The following ANGEL1 variants were observed in gnomAD, a reference collection of about 807,000 sequenced individuals.
ANGEL1 encodes the protein RNA 2',3'-cyclic phosphatase ANGEL1.
Under a neutral mutation model 76.4 loss-of-function variants are expected in ANGEL1, and 62 were observed. The ratio of observed to expected loss-of-function variants is 0.81; its 90% CI spans 0.66 to 1.00. The LOEUF (loss-of-function observed/expected upper bound fraction) is 1.00. Among genes scored for constraint, ANGEL1 ranks in the 50% least tolerant of loss-of-function variants. The pLI, the probability that ANGEL1 is intolerant of heterozygous loss-of-function variation, is 0.00. For missense variants in ANGEL1, 737 were observed against 836.7 expected, an observed-to-expected ratio of 0.88 and a Z score of 1.47; for synonymous variants, 340 against 331.7, an observed-to-expected ratio of 1.03 and a Z score of -0.27.
intron 7 of ANGEL1, among the ~76,000 whole-genome samples, chr14:76,797,342 G>A (rs1195998554): frequency 6.6e-6 from 1 of 152,176 alleles, no homozygotes; most frequent in Admixed American, 6.5e-5. Context: ...GCTCACACCT[G>A]TAATCCTAGC....
chr14:76,794,760 C>G (rs1359198103), intron 7 of ANGEL1, among the ~76,000 whole-genome samples: 2 of 121,448 alleles, frequency 1.6e-5, no homozygotes, highest in Non-Finnish European at 3.7e-5. Context: ...TTTTGTTGCT[C>G]TTACACAGTG....
rs1275867357 is a variant in ANGEL1, at chr14:76,806,640, G to A, written c.1156C>T (p.Leu386=). The part of the protein sequence containing the change: ...EGLGQVSVAP[L]CVANTHILYN... ...AGGATATGGGTATTTGCCACACACA[G>A]CGGGGCCACCGAGACTTGTCCCAGG... Residue 386 remains leucine, a synonymous_variant, in exon 5 of 10, where the codon CTG becomes TTG. Transcript: ENST00000251089. 6.2e-7 allele frequency: 1 copy of A among 1,613,288 alleles called. No individual in the cohort carries two copies. Among genetic ancestry groups the A allele is most frequent in the African/African-American group, 1.3e-5 (1 of 74,664 alleles).
rs568971418 is a variant in ANGEL1, at chr14:76,806,285, A to G, written c.1380+131T>C. The stretch of plus-strand genomic sequence containing the variant: ...CAGGCTTGGGTACAAGCTATTCAAC[A>G]TAACAAGAAAAAGGAGGAGCAGGCC... On this transcript the variant is annotated intron_variant, in intron 5 of 9. Coordinates refer to ENST00000251089, the MANE Select transcript of ANGEL1 (RefSeq NM_015305.4). 96 of 957,432 alleles carry G rather than the reference A, an allele frequency of 1.0e-4. No individual in the cohort carries two copies. In the East Asian group the frequency reaches 2.1e-3, roughly 21 times the overall value. 59.3% of individuals were successfully genotyped at this position (957,432 alleles called of 1,614,324 possible).
At chr14:76,792,638 A>T (rs1894440103) in intron 7 of ANGEL1, among the ~76,000 whole-genome samples, 1 of 152,218 alleles carries the variant, frequency 6.6e-6, no homozygotes, top group Non-Finnish European at 1.5e-5. Flanking sequence ...TTTAAAAAAA[A>T]GCCACATGAT....
At position 76,806,631 on chromosome 14, in the gene ANGEL1, CCA is replaced by C. The variant is rs1164792922; in HGVS notation, c.1163_1164del (p.Val388GlyfsTer51). The C allele has an allele frequency of 6.2e-7, 1 of 1,610,724 alleles. No homozygotes were observed. Among genetic ancestry groups the C allele is most frequent in the Non-Finnish European group, 8.5e-7 (1 of 1,178,890 alleles). On this transcript the variant is annotated frameshift_variant, in exon 5 of 10. Coordinates refer to ENST00000251089, the MANE Select transcript of ANGEL1 (RefSeq NM_015305.4). LOFTEE classifies it high-confidence loss of function. Reference protein sequence around the residue: ...LGQVSVAPLCVANTHILYNPR... With the variant: ...LGQVSVAPLCXANTHILYNPR... ...GGGTTGTAAAGGATATGGGTATTTG[CCA>C]CACACAGCGGGGCCACCGAGACTTG...
In ANGEL1 at chr14:76,807,560, T is replaced by G. The variant is rs1209433493; in HGVS notation, c.877-58A>C. 8 of 1,568,344 alleles carry G rather than the reference T, an allele frequency of 5.1e-6. No homozygotes were observed. The East Asian group carries it at 1.6e-4, about 31-fold the overall frequency. ...GAGTGCTGGAATGTGACCCCCACCC[T>G]CTAGGAGCAGGTCCTGAGGCCAGGT... On this transcript the variant is annotated intron_variant, in intron 3 of 9. Coordinates refer to ENST00000251089, the MANE Select transcript of ANGEL1 (RefSeq NM_015305.4).
At chr14:76,810,919 C>T (rs1225114513) in intron 1 of ANGEL1, among the ~76,000 whole-genome samples, 1 of 152,240 alleles carries the variant, frequency 6.6e-6, no homozygotes, top group East Asian at 1.9e-4. Flanking sequence ...GATGCTGGCC[C>T]TCAATCACTA....
intron 7 of ANGEL1, among the ~76,000 whole-genome samples, chr14:76,795,794 C>A (rs565360169): frequency 2.0e-5 from 3 of 152,286 alleles, no homozygotes; most frequent in African/African-American, 7.2e-5. Flanking sequence ...CAACAAAAAA[C>A]CCTTGTGATT....
intron 7 of ANGEL1, among the ~76,000 whole-genome samples, chr14:76,797,915 T>A (rs1894631323): frequency 6.6e-6 from 1 of 152,210 alleles, no homozygotes; most frequent in Non-Finnish European, 1.5e-5. Flanking sequence ...GTCCCCACAA[T>A]CAAATTCATA....
At chr14:76,789,889 A>G (rs1595291392) in intron 9 of ANGEL1, among the ~76,000 whole-genome samples, 7 of 110,626 alleles carry the variant, frequency 6.3e-5, no homozygotes, top group African/African-American at 7.2e-5. Context: ...TTTAAGACGG[A>G]GTTTTACGCT....
At chr14:76,803,634 T>C in intron 6 of ANGEL1, 152 bp downstream of exon 6, 1 of 1,355,632 alleles carries the variant, frequency 7.4e-7, no homozygotes, top group Non-Finnish European at 1.0e-6. Context: ...AAGTTGTCCA[T>C]TTCATTGGAC....
At chr14:76,808,942 G>C in intron 2 of ANGEL1, 117 bp downstream of exon 2, 1 of 975,434 alleles carries the variant, frequency 1.0e-6, no homozygotes, top group East Asian at 2.6e-5. Context: ...AAGATTCTTA[G>C]AAAAATAGAA....
At chr14:76,812,096 CAAT>C in intron 1 of ANGEL1, among the ~76,000 whole-genome samples, 1 of 152,174 alleles carries the variant, frequency 6.6e-6, no homozygotes, top group Non-Finnish European at 1.5e-5. Context: ...AATTATGAAA[CAAT>C]AACGAAATAA....
intron 7 of ANGEL1, among the ~76,000 whole-genome samples, chr14:76,802,680 GA>G (rs112496987): frequency 7.0e-4 from 99 of 140,440 alleles, no homozygotes; most frequent in East Asian, 1.0e-3. Context: ...TACTCTTGTT[GA>G]AAAAAAAAAA....
intron 7 of ANGEL1, among the ~76,000 whole-genome samples, chr14:76,793,383 GA>G: frequency 1.8e-5 from 1 of 56,730 alleles, no homozygotes; most frequent in Non-Finnish European, 4.0e-5. Flanking sequence ...GGAAAGAGGA[GA>G]GGGGAGAGGA....
chr14:76,802,708 T>C (rs1894802568), intron 7 of ANGEL1, among the ~76,000 whole-genome samples: 1 of 152,076 alleles, frequency 6.6e-6, no homozygotes, highest in African/African-American at 2.4e-5. Context: ...TTGGGTTTTA[T>C]GCTCCACATG....
At chr14:76,804,031 T>TA in intron 5 of ANGEL1, 119 bp from the exon 6 acceptor site, 1 of 1,595,578 alleles carries the variant, frequency 6.3e-7, no homozygotes, top group Non-Finnish European at 8.5e-7. Flanking sequence ...ACGTACATGG[T>TA]ATAAACAAGC....
At chr14:76,798,226 G>C (rs1894644017) in intron 7 of ANGEL1, among the ~76,000 whole-genome samples, 1 of 151,744 alleles carries the variant, frequency 6.6e-6, no homozygotes, top group Non-Finnish European at 1.5e-5. Context: ...CTGGGCTCAA[G>C]TGATCCTCCC....
At chr14:76,789,859 TAA>T (rs749628687) in intron 9 of ANGEL1, among the ~76,000 whole-genome samples, 1 of 135,442 alleles carries the variant, frequency 7.4e-6, no homozygotes, top group Non-Finnish European at 1.6e-5. Flanking sequence ...CATGCCTGGC[TAA>T]TTTTTTTTTT....
Sources: allele counts gnomAD v4.1 joint callset (sites outside exome capture counted in the v4.1 genomes callset), GRCh38; gene constraint gnomAD v4.1.1; transcripts MANE v1.5; gene names NCBI Gene and HGNC (gene_info 2026-07-23, HGNC 2026-07-21).